DMD: variants seen among roughly 807,000 people sequenced by gnomAD.
DMD encodes mutant dystrophin.
DMD carries 63 observed loss-of-function variants against 330.1 expected under a neutral mutation model. The observed-to-expected ratio is 0.19, with a 90% CI of 0.16 to 0.24. DMD has a LOEUF of 0.24. Ranked by LOEUF, DMD falls within the 10% of genes least tolerant of loss-of-function variation. The pLI, the probability that DMD is intolerant of heterozygous loss-of-function variation, is 1.00. For synonymous variants in DMD, 1,223 were observed against 959.8 expected (o/e 1.27, Z -5.07); for missense variants, 3,344 against 2,684.1 (o/e 1.25, Z -5.43).
At chrX:31,944,090 A>G (rs2095049371) in intron 45 of DMD, among the ~76,000 whole-genome samples, 1 of 112,137 alleles carries the variant, frequency 8.9e-6, no homozygotes, top group Non-Finnish European at 1.9e-5. Flanking sequence ...AAAAATAGTT[A>G]TATTCCCTGA....
At chrX:32,289,548 C>G (rs1349533281) in intron 42 of DMD, among the ~76,000 whole-genome samples, 2 of 110,979 alleles carry the variant, frequency 1.8e-5, no homozygotes, top group Admixed American at 1.9e-4. Context: ...GAGGCCAGAA[C>G]AAGATACGGG....
chrX:33,028,332 A>G (rs2094040239), intron 1 of DMD, among the ~76,000 whole-genome samples: 1 of 112,009 alleles, frequency 8.9e-6, no homozygotes, highest in African/African-American at 3.2e-5. Context: ...CTGATGGAGA[A>G]ACTACAGTTC....
intron 47 of DMD, among the ~76,000 whole-genome samples, chrX:31,880,167 C>A: frequency 9.0e-6 from 1 of 111,677 alleles, no homozygotes; most frequent in East Asian, 2.8e-4. Flanking sequence ...GATTTCATAA[C>A]ACAAAACATT....
At chrX:31,750,326 G>C (rs1487665068) in intron 51 of DMD, among the ~76,000 whole-genome samples, 6 of 106,144 alleles carry the variant, frequency 5.7e-5, no homozygotes, top group Admixed American at 3.1e-4. Context: ...TTTGTATAAG[G>C]TGTAAGGAAG....
intron 44 of DMD, among the ~76,000 whole-genome samples, chrX:32,046,496 C>T (rs964790862): frequency 8.9e-6 from 1 of 112,090 alleles, no homozygotes; most frequent in Admixed American, 9.4e-5. Flanking sequence ...ATATTTTGGG[C>T]CCTTAAATTT....
chrX:33,153,048 C>A (rs1379620339), intron 1 of DMD, among the ~76,000 whole-genome samples: 1 of 112,617 alleles, frequency 8.9e-6, no homozygotes, highest in Non-Finnish European at 1.9e-5. Context: ...GCATTTACTA[C>A]AGACAATTGA....
chrX:31,631,725 C>T (rs2079146021), intron 54 of DMD, among the ~76,000 whole-genome samples: 1 of 111,794 alleles, frequency 8.9e-6, no homozygotes, highest in South Asian at 3.8e-4. Flanking sequence ...GAGAACTTGA[C>T]CTCCTGAATT....
rs954211975 is a variant in DMD at position 31,191,665 on chromosome X, A to G, written c.9808-8761T>C. On this transcript the variant is annotated intron_variant, in intron 67 of 78. Coordinates refer to ENST00000357033, the MANE Select transcript of DMD (RefSeq NM_004006.3). ...CTCCTTGCCTTCTGCCATGATTGTG[A>G]GGCCTCCCCAGCCACGTGGAACTGT... 9.8e-5 allele frequency among the ~76,000 whole-genome samples: 11 copies of G among 111,907 alleles called. No individual in the cohort carries two copies. In the South Asian group the frequency reaches 1.1e-3, roughly 11 times the overall value.
intron 2 of DMD, among the ~76,000 whole-genome samples, chrX:32,931,462 A>G (rs2089589412): frequency 8.9e-6 from 1 of 112,003 alleles, no homozygotes; most frequent in South Asian, 3.6e-4. Flanking sequence ...AAATTAGAAA[A>G]TAGAGTAACT....
intron 44 of DMD, among the ~76,000 whole-genome samples, chrX:32,166,073 G>A (rs775471237): frequency 9.0e-6 from 1 of 110,904 alleles, no homozygotes; most frequent in Admixed American, 9.7e-5. Flanking sequence ...TCTTTCTAGC[G>A]GTATGAAAAC....
At chrX:33,092,995 T>C (rs2095106099) in intron 1 of DMD, among the ~76,000 whole-genome samples, 1 of 111,093 alleles carries the variant, frequency 9.0e-6, no homozygotes, top group East Asian at 2.8e-4. Context: ...AGCCTCAGCC[T>C]CCCAAGTAGC....
Position 32,887,745 on chromosome X carries a change from C to CAAAAAAAAAAAAAAAAAAAA in DMD, c.94-37945_94-37926dup, listed in dbSNP as rs771100080. On this transcript the variant is annotated intron_variant, in intron 2 of 78. Coordinates refer to ENST00000357033, the MANE Select transcript of DMD (RefSeq NM_004006.3). The stretch of plus-strand genomic sequence containing the variant: ...CCTGGGTGACAAAGCAAGACTGTCT[C>CAAAAAAAAAAAAAAAAAAAA]AAAAAAAAAAAAAAAAAAAAAAAAA... Among the ~76,000 whole-genome samples, 5 of 6,493 alleles carry CAAAAAAAAAAAAAAAAAAAA rather than the reference C, an allele frequency of 7.7e-4. 1 individual carries two copies. Among genetic ancestry groups the CAAAAAAAAAAAAAAAAAAAA allele is most frequent in the East Asian group, 3.5e-3 (1 of 288 alleles). 5.6% of individuals were successfully genotyped at this position (6,493 alleles called of 115,157 possible). A position where few individuals can be genotyped will look rare whatever the true frequency, so the allele number is the denominator to read the frequency against.
Position 32,816,551 on chromosome X carries a change from A to G in DMD, c.447T>C (p.Arg149=), listed in dbSNP as rs2077777455. 3.3e-6 allele frequency: 4 copies of G among 1,211,465 alleles called. No individual in the cohort carries two copies. Among genetic ancestry groups the G allele is most frequent in the Non-Finnish European group, 4.5e-6 (4 of 895,107 alleles). Residue 149 remains arginine, a synonymous_variant, in exon 6 of 79, where the codon CGT becomes CGC. Coordinates refer to ENST00000357033, the MANE Select transcript of DMD (RefSeq NM_004006.3). ...TGATTACATTAACCTGTGGATAATT[A>G]CGAGTTGATTGTCGGACCCAGCTCA... ...ILLSWVRQST[R]NYPQVNVINF... is the part of the protein sequence containing the mutation.
chrX:32,129,143 A>G (rs924905127), intron 44 of DMD, among the ~76,000 whole-genome samples: 1 of 111,837 alleles, frequency 8.9e-6, no homozygotes, highest in South Asian at 3.7e-4. Flanking sequence ...AGATTAATAT[A>G]TCAGCTAAAA....
intron 4 of DMD, among the ~76,000 whole-genome samples, chrX:32,823,709 C>A (rs1478058310): frequency 1.8e-5 from 2 of 111,535 alleles, no homozygotes; most frequent in East Asian, 5.6e-4. Flanking sequence ...AATTACAACT[C>A]AGAAAAATTC....
intron 62 of DMD, among the ~76,000 whole-genome samples, chrX:31,267,874 C>T (rs1274214643): frequency 8.9e-6 from 1 of 112,455 alleles, no homozygotes. Context: ...CACATAACAC[C>T]TTAGATTAGC....
chrX:33,316,450 G>A (rs906590028), intron 1 of DMD, among the ~76,000 whole-genome samples: 3 of 110,921 alleles, frequency 2.7e-5, no homozygotes, highest in Non-Finnish European at 5.7e-5. Flanking sequence ...ATCTATAAGC[G>A]TTAGGTTTTA....
chrX:31,137,495 C>T (rs768298583), intron 76 of DMD, among the ~76,000 whole-genome samples: 2 of 111,279 alleles, frequency 1.8e-5, no homozygotes, highest in Non-Finnish European at 3.8e-5. Flanking sequence ...TTGATACTAA[C>T]CCAGATTTTT....
intron 44 of DMD, among the ~76,000 whole-genome samples, chrX:32,122,667 C>T (rs1053204423): frequency 2.7e-5 from 3 of 111,377 alleles, no homozygotes; most frequent in African/African-American, 9.8e-5. Flanking sequence ...CAGCACAGTG[C>T]CTGCAACAGA....
Sources: allele counts gnomAD v4.1 joint callset (sites outside exome capture counted in the v4.1 genomes callset), GRCh38; gene constraint gnomAD v4.1.1; transcripts MANE v1.5; gene names NCBI Gene and HGNC (gene_info 2026-07-23, HGNC 2026-07-21).